Variants in GLO1 observed in about 807,000 individuals in gnomAD.
The protein encoded by GLO1 is glyoxalase I.
In GLO1, 28 loss-of-function variants were observed where a neutral mutation model predicts 26.0. The ratio of observed to expected loss-of-function variants is 1.08; its 90% CI spans 0.80 to 1.48. The LOEUF is 1.48. GLO1 is among the 40% of genes most tolerant of loss of function. The probability of loss-of-function intolerance (pLI) is 0.00; values close to 1 mark genes in which losing one functional copy is unlikely to be tolerated. For missense variants in GLO1, 225 were observed against 224.8 expected, an observed-to-expected ratio of 1.00 and a Z score of -0.01; for synonymous variants, 78 against 77.6, an observed-to-expected ratio of 1.00 and a Z score of -0.03.
At chr6:38,682,997 C>A in intron 3 of GLO1, 122 bp from the exon 4 acceptor site, 1 of 622,298 alleles carries the variant, frequency 1.6e-6, no homozygotes, top group Admixed American at 2.7e-5. Flanking sequence ...CTAACCCCTG[C>A]TACAAAAATA....
intron 1 of GLO1, among the ~76,000 whole-genome samples, chr6:38,693,685 C>CTCTCTCTA (rs869232489): frequency 1.5e-3 from 131 of 86,428 alleles, no homozygotes; most frequent in Middle Eastern, 5.8e-3. Context: ...CTCTCTCTCT[C>CTCTCTCTA]TATATATATA....
At chr6:38,693,732 A>G (rs933977953) in intron 1 of GLO1, among the ~76,000 whole-genome samples, 1 of 146,878 alleles carries the variant, frequency 6.8e-6, no homozygotes, top group East Asian at 2.0e-4. Context: ...TTGTTTTGAG[A>G]CAGAGTCTAG....
intron 5 of GLO1, among the ~76,000 whole-genome samples, chr6:38,678,117 G>A (rs143732706): frequency 8.3e-4 from 127 of 152,282 alleles, no homozygotes; most frequent in African/African-American, 2.7e-3. Flanking sequence ...CAAGCTCTGC[G>A]AGAGTCTTTC....
At position 38,703,032 on chromosome 6, in the gene GLO1, G is replaced by T. The variant is rs1761731789; in HGVS notation, c.23C>A (p.Ser8Tyr). 1.3e-6 allele frequency: 2 copies of T among 1,592,858 alleles called. No homozygotes were observed. The highest frequency in any genetic ancestry group is 1.7e-6 in the Non-Finnish European group (2 of 1,165,820). The change falls in exon 1 of 6, where the codon TCC (serine) becomes TAC (tyrosine). Residue 8 changes from serine to tyrosine, a missense_variant. By Grantham distance (144) the Ser-to-Tyr change is moderately radical. Transcript: ENST00000373365. MAEPQPPSGGLTDEAALS... is the reference protein window; with the variant it reads MAEPQPPYGGLTDEAALS... ...GGCGGCCTCGTCCGTGAGGCCGCCG[G>T]ACGGGGGCTGCGGTTCTGCCATGGC...
chr6:38,683,889 A>AAAT (rs1554186869), intron 3 of GLO1, among the ~76,000 whole-genome samples: 1 of 151,542 alleles, frequency 6.6e-6, no homozygotes, highest in Non-Finnish European at 1.5e-5. Context: ...TCTGTCTCAA[A>AAAT]AAATAAATAA....
chr6:38,677,444 T>C lies in GLO1; in HGVS notation c.467-61A>G, dbSNP rs1761271913. 5 of 811,166 alleles carry C rather than the reference T, an allele frequency of 6.2e-6. No homozygotes were observed. The South Asian group carries it at 7.0e-5, about 11-fold the overall frequency. 50.2% of individuals were successfully genotyped at this position (811,166 alleles called of 1,614,324 possible). Reference sequence around the variant, plus strand: ...AAAAAGAAAACACCATAAAAATGTTTTTCTTTCTTTGAGACAAGGTCTTGC... The same window carrying C: ...AAAAAGAAAACACCATAAAAATGTTCTTCTTTCTTTGAGACAAGGTCTTGC... On this transcript the variant is annotated intron_variant, in intron 5 of 5. Transcript: ENST00000373365.
In GLO1 at chr6:38,686,978, T is replaced by C; in HGVS notation, c.85-4A>G. ...TGGTCTGCTGCAATAGAAAATCCTATGGAAAAATATTTATATTAAACATCT... is the reference window on the plus strand; with the variant it reads ...TGGTCTGCTGCAATAGAAAATCCTACGGAAAAATATTTATATTAAACATCT... On this transcript the variant is annotated splice_region_variant and splice_polypyrimidine_tract_variant and intron_variant, in intron 1 of 5. Transcript: ENST00000373365. 3.8e-6 allele frequency: 6 copies of C among 1,589,164 alleles called. No individual in the cohort carries two copies. The highest frequency in any genetic ancestry group is 1.1e-5 in the South Asian group (1 of 88,958).
rs765854991 is a variant in GLO1 at position 38,686,992 on chromosome 6, T to C, written c.85-18A>G. On this transcript the variant is annotated intron_variant, in intron 1 of 5. Coordinates refer to ENST00000373365, the MANE Select transcript of GLO1 (RefSeq NM_006708.3). ...AGAAAATCCTATGGAAAAATATTTA[T>C]ATTAAACATCTTTCACTTTTACCAT... is the stretch of plus-strand genomic sequence containing the variant. The C allele has an allele frequency of 3.8e-5, 59 of 1,562,598 alleles. No homozygotes were observed. The Admixed American group carries it at 5.9e-4, about 16-fold the overall frequency.
chr6:38,691,394 G>A (rs1387850437), intron 1 of GLO1, among the ~76,000 whole-genome samples: 3 of 151,744 alleles, frequency 2.0e-5, no homozygotes, highest in Non-Finnish European at 2.9e-5. Flanking sequence ...TGCAAGCTCC[G>A]CCTCCCGAGC....
At position 38,702,242 on chromosome 6, in the gene GLO1, A is replaced by G. The variant is rs1484702257; in HGVS notation, c.84+729T>C. Among the ~76,000 whole-genome samples, 9 of 152,196 alleles carry G rather than the reference A, an allele frequency of 5.9e-5. 1 individual carries two copies. The East Asian group carries it at 1.7e-3, about 29-fold the overall frequency. On this transcript the variant is annotated intron_variant, in intron 1 of 5. Coordinates refer to ENST00000373365, the MANE Select transcript of GLO1 (RefSeq NM_006708.3). The stretch of plus-strand genomic sequence containing the variant: ...GCGCCCGCCAACTGTGTCTGATCTT[A>G]ACAAGGCAACCGAAACACCACACCT...
chr6:38,684,948 C>T (rs977913927), intron 2 of GLO1, among the ~76,000 whole-genome samples: 3 of 152,002 alleles, frequency 2.0e-5, no homozygotes, highest in Admixed American at 6.6e-5. Flanking sequence ...GCCAAAACAT[C>T]TAGGAAAGGA....
chr6:38,696,159 G>A (rs1047330257), intron 1 of GLO1, among the ~76,000 whole-genome samples: 1 of 151,400 alleles, frequency 6.6e-6, no homozygotes, highest in Non-Finnish European at 1.5e-5. Flanking sequence ...GGATATGAGT[G>A]TATTTGGTTA....
At chr6:38,691,554 G>A (rs539505917) in intron 1 of GLO1, among the ~76,000 whole-genome samples, 1 of 152,020 alleles carries the variant, frequency 6.6e-6, no homozygotes, top group Non-Finnish European at 1.5e-5. Flanking sequence ...TGGTCCACCC[G>A]CCTTGACCTC....
At chr6:38,695,926 G>T (rs1486518354) in intron 1 of GLO1, among the ~76,000 whole-genome samples, 1 of 152,152 alleles carries the variant, frequency 6.6e-6, no homozygotes, top group Admixed American at 6.5e-5. Flanking sequence ...GAGGCAAAAA[G>T]AAAACTTAGG....
intron 1 of GLO1, among the ~76,000 whole-genome samples, chr6:38,689,341 G>C (rs1333632080): frequency 6.6e-6 from 1 of 152,096 alleles, no homozygotes; most frequent in Non-Finnish European, 1.5e-5. Context: ...TTTTAAAAAA[G>C]GATAAAATCT....
At chr6:38,700,448 C>T (rs1479307502) in intron 1 of GLO1, among the ~76,000 whole-genome samples, 1 of 152,208 alleles carries the variant, frequency 6.6e-6, no homozygotes, top group African/African-American at 2.4e-5. Flanking sequence ...TCTTTATGCT[C>T]CTTCTACAAA....
chr6:38,702,882 C>A, intron 1 of GLO1, 89 bp downstream of exon 1: 1 of 733,488 alleles, frequency 1.4e-6, no homozygotes, highest in Non-Finnish European at 2.3e-6. Flanking sequence ...GGCGGACCTG[C>A]AGCGGCGGCG....
intron 2 of GLO1, among the ~76,000 whole-genome samples, chr6:38,684,725 T>C (rs1181321342): frequency 6.6e-6 from 1 of 152,226 alleles, no homozygotes; most frequent in Non-Finnish European, 1.5e-5. Context: ...TGAAAACTTC[T>C]GTAATTCATC....
intron 5 of GLO1, among the ~76,000 whole-genome samples, chr6:38,678,340 AAGAG>A (rs1184140342): frequency 4.4e-5 from 6 of 137,452 alleles, no homozygotes; most frequent in Admixed American, 2.9e-4. Context: ...GAGAAAGAGA[AAGAG>A]AGAAAGAGAG....
Sources: gnomAD v4.1 joint callset for allele counts (sites outside exome capture counted in the v4.1 genomes callset) on GRCh38, gnomAD v4.1.1 for gene constraint, MANE v1.5 for transcripts, NCBI Gene and HGNC (gene_info 2026-07-23, HGNC 2026-07-21) for gene names.